The following ARMC8 variants were observed in gnomAD, a reference collection of about 807,000 sequenced individuals.
ARMC8 encodes the protein armadillo repeat-containing protein 8.
ARMC8 carries 20 observed loss-of-function variants against 99.3 expected under a neutral mutation model. That is an observed-to-expected ratio of 0.20 (90% confidence interval 0.14 to 0.29). ARMC8 has a LOEUF of 0.29. Ranked by LOEUF, ARMC8 falls within the 10% of genes least tolerant of loss-of-function variation. ARMC8 has a pLI of 1.00. For synonymous variants in ARMC8, 263 were observed against 278.3 expected, an observed-to-expected ratio of 0.95 and a Z score of 0.55; for missense variants, 569 against 809.5, an observed-to-expected ratio of 0.70 and a Z score of 3.60.
At chr3:138,249,077 C>T (rs1452553198) in intron 12 of ARMC8, among the ~76,000 whole-genome samples, 3 of 152,084 alleles carry the variant, frequency 2.0e-5, no homozygotes, top group Non-Finnish European at 4.4e-5. Context: ...ACTGTCTGTG[C>T]ATAGTTGACA....
chr3:138,245,727 G>GA, intron 12 of ARMC8: 1 of 991,988 alleles, frequency 1.0e-6, no homozygotes, highest in Non-Finnish European at 1.2e-6. Flanking sequence ...CAGCTCCCCA[G>GA]AAAATGTATG....
chr3:138,289,840 C>T (rs1434858740), intron 20 of ARMC8, among the ~76,000 whole-genome samples: 1 of 152,118 alleles, frequency 6.6e-6, no homozygotes, highest in East Asian at 1.9e-4. Context: ...CCTAGAAATT[C>T]TGATTCACTG....
chr3:138,273,194 T>A, intron 17 of ARMC8, 78 bp downstream of exon 17: 1 of 1,385,490 alleles, frequency 7.2e-7, no homozygotes, highest in Non-Finnish European at 9.8e-7. Flanking sequence ...CTCTGTGCTC[T>A]CATTAACATC....
intron 12 of ARMC8, 48 bp from the exon 13 acceptor site, chr3:138,263,691 T>G (rs2047981728): frequency 1.4e-6 from 2 of 1,470,014 alleles, no homozygotes; most frequent in East Asian, 2.3e-5. Flanking sequence ...GCAGTGAAGT[T>G]TGTCACCTTC....
At chr3:138,204,197 G>T (rs1218199341) in intron 1 of ARMC8, among the ~76,000 whole-genome samples, 1 of 151,998 alleles carries the variant, frequency 6.6e-6, no homozygotes, top group Non-Finnish European at 1.5e-5. Flanking sequence ...TGGATCAAGC[G>T]ATTCTTGTGC....
At chr3:138,210,772 T>C (rs1461864961) in intron 2 of ARMC8, among the ~76,000 whole-genome samples, 1 of 152,198 alleles carries the variant, frequency 6.6e-6, no homozygotes, top group Non-Finnish European at 1.5e-5. Flanking sequence ...ATGCTTTGTT[T>C]ATACAAGTTT....
intron 3 of ARMC8, 109 bp downstream of exon 3, chr3:138,222,106 A>G: frequency 1.3e-6 from 1 of 745,498 alleles, no homozygotes; most frequent in Non-Finnish European, 2.2e-6. Flanking sequence ...TAATTCTTAA[A>G]ATAAATCCTA....
intron 2 of ARMC8, among the ~76,000 whole-genome samples, chr3:138,213,108 C>T (rs910928321): frequency 6.6e-6 from 1 of 152,108 alleles, no homozygotes; most frequent in African/African-American, 2.4e-5. Context: ...ATCTTGAAGA[C>T]AAATAAGATT....
intron 6 of ARMC8, among the ~76,000 whole-genome samples, chr3:138,231,729 A>G (rs1180494957): frequency 6.6e-6 from 1 of 151,570 alleles, no homozygotes. Flanking sequence ...GGATCCCTTG[A>G]GCTCAGAAGT....
At chr3:138,207,007 A>G (rs547310750) in intron 1 of ARMC8, among the ~76,000 whole-genome samples, 17 of 152,196 alleles carry the variant, frequency 1.1e-4, no homozygotes, top group South Asian at 6.2e-4. Flanking sequence ...TGGTCCACCT[A>G]TTGGTTAGCC....
chr3:138,225,052 G>C (rs772190384), intron 5 of ARMC8, among the ~76,000 whole-genome samples: 7 of 150,322 alleles, frequency 4.7e-5, no homozygotes, highest in Non-Finnish European at 8.9e-5. Flanking sequence ...ATAAGACTTA[G>C]AGAAGTGGAG....
At chr3:138,197,324 A>G (rs1191223135) in intron 1 of ARMC8, among the ~76,000 whole-genome samples, 2 of 152,220 alleles carry the variant, frequency 1.3e-5, no homozygotes, top group African/African-American at 2.4e-5. Flanking sequence ...CAGGGCTATT[A>G]CTGCCTGTAA....
At chr3:138,243,689 G>C (rs1472278241) in intron 11 of ARMC8, among the ~76,000 whole-genome samples, 1 of 151,942 alleles carries the variant, frequency 6.6e-6, no homozygotes, top group Non-Finnish European at 1.5e-5. Context: ...GGAATTTTTT[G>C]TTACCTACGT....
At chr3:138,237,206 A>T in intron 7 of ARMC8, 103 bp from the exon 8 acceptor site, 3 of 978,366 alleles carry the variant, frequency 3.1e-6, no homozygotes, top group Non-Finnish European at 4.7e-6. Context: ...TTAGTATTTT[A>T]AGCAGATTTA....
At chr3:138,187,760 A>C in intron 1 of ARMC8, 161 bp downstream of exon 1, 2 of 775,158 alleles carry the variant, frequency 2.6e-6, no homozygotes, top group Non-Finnish European at 4.0e-6. Flanking sequence ...GGCGGGATAG[A>C]CGGGCAGAGG....
chr3:138,275,614 A>C (rs1449635879), intron 18 of ARMC8, among the ~76,000 whole-genome samples: 1 of 152,084 alleles, frequency 6.6e-6, no homozygotes, highest in Non-Finnish European at 1.5e-5. Flanking sequence ...TCTGAAAGAA[A>C]CTCGCCCAAG....
chr3:138,202,527 C>T (rs375525465), intron 1 of ARMC8, among the ~76,000 whole-genome samples: 5 of 152,084 alleles, frequency 3.3e-5, no homozygotes, highest in African/African-American at 9.7e-5. Context: ...CTCTGAAAAT[C>T]GGTATTTCAG....
chr3:138,202,907 A>AT (rs1347230969), intron 1 of ARMC8, among the ~76,000 whole-genome samples: 1 of 152,112 alleles, frequency 6.6e-6, no homozygotes, highest in African/African-American at 2.4e-5. Flanking sequence ...TATTTTTCCC[A>AT]TTTTTTGAGT....
At chr3:138,202,036 A>G (rs1290257101) in intron 1 of ARMC8, among the ~76,000 whole-genome samples, 1 of 152,230 alleles carries the variant, frequency 6.6e-6, no homozygotes, top group African/African-American at 2.4e-5. Flanking sequence ...AATTAATGAT[A>G]CAATTTGAAT....
Sources: gnomAD v4.1 joint callset for allele counts (sites outside exome capture counted in the v4.1 genomes callset) on GRCh38, gnomAD v4.1.1 for gene constraint, MANE v1.5 for transcripts, NCBI Gene and HGNC (gene_info 2026-07-23, HGNC 2026-07-21) for gene names.